VSTM2B: variants seen among roughly 807,000 people sequenced by gnomAD.
VSTM2B encodes the protein V-set and transmembrane domain-containing protein 2B.
In VSTM2B, 24 loss-of-function variants were observed where a neutral mutation model predicts 24.0. The observed-to-expected ratio is 1.00, with a 90% CI of 0.72 to 1.40. VSTM2B has a LOEUF of 1.40. VSTM2B is among the 40% of genes most tolerant of loss of function. The pLI, the probability that VSTM2B is intolerant of heterozygous loss-of-function variation, is 0.00. For synonymous variants in VSTM2B, 226 were observed against 194.4 expected (o/e 1.16, Z -1.35); for missense variants, 399 against 416.4 (o/e 0.96, Z 0.36).
At chr19:29,533,536 G>A (rs1240190441) in intron 4 of VSTM2B, among the ~76,000 whole-genome samples, 1 of 152,246 alleles carries the variant, frequency 6.6e-6, no homozygotes, top group Non-Finnish European at 1.5e-5. Flanking sequence ...CTCTCCAGGT[G>A]AAGCTCTCTT....
At chr19:29,548,752 C>G (rs1334467791) in intron 4 of VSTM2B, among the ~76,000 whole-genome samples, 2 of 152,120 alleles carry the variant, frequency 1.3e-5, no homozygotes, top group Non-Finnish European at 2.9e-5. Flanking sequence ...GGAGAGCCAG[C>G]CCCCTACATG....
intron 4 of VSTM2B, among the ~76,000 whole-genome samples, chr19:29,545,031 A>C (rs1970117755): frequency 6.6e-6 from 1 of 152,200 alleles, no homozygotes; most frequent in African/African-American, 2.4e-5. Context: ...GGCCATCCAC[A>C]TACAGCCCCG....
At chr19:29,560,748 G>A (rs772076047) in intron 4 of VSTM2B, among the ~76,000 whole-genome samples, 1 of 152,194 alleles carries the variant, frequency 6.6e-6, no homozygotes, top group Admixed American at 6.5e-5. Flanking sequence ...AACATGAGTA[G>A]GTGAGGCTGT....
At chr19:29,530,324 G>A in intron 4 of VSTM2B, 34 bp downstream of exon 4, 1 of 1,471,706 alleles carries the variant, frequency 6.8e-7, no homozygotes, top group Non-Finnish European at 8.9e-7. Context: ...GCACGCGCGG[G>A]GATGGCGCAG....
At chr19:29,561,565 C>T (rs1970526944) in intron 4 of VSTM2B, among the ~76,000 whole-genome samples, 1 of 152,164 alleles carries the variant, frequency 6.6e-6, no homozygotes, top group South Asian at 2.1e-4. Context: ...ATGGAGTTTG[C>T]AGTGAGCTGA....
intron 2 of VSTM2B, 149 bp downstream of exon 2, chr19:29,527,544 C>A (rs1969615150): frequency 3.0e-6 from 2 of 670,906 alleles, no homozygotes; most frequent in South Asian, 4.8e-5. Flanking sequence ...CCCAAAGCAT[C>A]TTCAAAGTCA....
At chr19:29,558,210 A>G (rs1390932543) in intron 4 of VSTM2B, among the ~76,000 whole-genome samples, 15 of 152,312 alleles carry the variant, frequency 9.8e-5, no homozygotes, top group Non-Finnish European at 1.5e-5. Context: ...TCAAGAAACA[A>G]TAGATGCTGG....
chr19:29,531,824 T>A (rs1969765912), intron 4 of VSTM2B, among the ~76,000 whole-genome samples: 1 of 152,200 alleles, frequency 6.6e-6, no homozygotes, highest in Non-Finnish European at 1.5e-5. Context: ...AAATTTAATA[T>A]TCCTCGTTCA....
At position 29,563,966 on chromosome 19, in the gene VSTM2B, C is replaced by T. The variant is rs113111915; in HGVS notation, c.*32C>T. Reference sequence around the variant, plus strand: ...AGACCAACCCGAGCATCTCAGAGGCCGCACATGACCTGCCCGGGGCCCTCG... The same window carrying T: ...AGACCAACCCGAGCATCTCAGAGGCTGCACATGACCTGCCCGGGGCCCTCG... On this transcript the variant is annotated 3_prime_UTR_variant, in exon 5 of 5. Transcript: ENST00000335523. 2.0e-3 allele frequency: 3,144 copies of T among 1,536,500 alleles called. 58 individuals are homozygous for T. The African/African-American group carries it at 0.038, about 19-fold the overall frequency.
At position 29,559,769 on chromosome 19, in the gene VSTM2B, T is replaced by A. The variant is rs546916483; in HGVS notation, c.770-4077T>A. Among the ~76,000 whole-genome samples the A allele has an allele frequency of 2.6e-5, 4 of 152,162 alleles. No individual in the cohort carries two copies. In the South Asian group the frequency reaches 8.3e-4, roughly 32 times the overall value. ...CTATGTCACCCTTTTCTGTAACATC[T>A]ATTTGCATGGCACTTGACTCTGTTT... On this transcript the variant is annotated intron_variant, in intron 4 of 4. Transcript: ENST00000335523.
chr19:29,551,917 G>T (rs1454448892), intron 4 of VSTM2B, among the ~76,000 whole-genome samples: 1 of 152,182 alleles, frequency 6.6e-6, no homozygotes, highest in Non-Finnish European at 1.5e-5. Flanking sequence ...CTACAGGGAT[G>T]GGAATGAGAT....
chr19:29,560,482 C>T (rs566530304), intron 4 of VSTM2B, among the ~76,000 whole-genome samples: 7 of 152,250 alleles, frequency 4.6e-5, no homozygotes, highest in Non-Finnish European at 7.4e-5. Flanking sequence ...CTCTTGGTTC[C>T]CTCCCACCCC....
At chr19:29,527,534 C>A in intron 2 of VSTM2B, 139 bp downstream of exon 2, 1 of 709,232 alleles carries the variant, frequency 1.4e-6, no homozygotes, top group Non-Finnish European at 2.1e-6. Flanking sequence ...ACCTTCGCAT[C>A]CCAAAGCATC....
rs1970594908 is a variant in VSTM2B at position 29,564,044 on chromosome 19, A to C, written c.*110A>C. 2 of 803,040 alleles carry C rather than the reference A, an allele frequency of 2.5e-6. No homozygotes were observed. Among genetic ancestry groups the C allele is most frequent in the African/African-American group, 1.7e-5 (1 of 57,450 alleles). 49.7% of individuals were successfully genotyped at this position (803,040 alleles called of 1,614,324 possible). A position where few individuals can be genotyped will look rare whatever the true frequency, so the allele number is the denominator to read the frequency against. The stretch of plus-strand genomic sequence containing the variant: ...AGAGAGACTGAGAGACGCATGAAAA[A>C]GTCCACATGGAAAATAAATAAATCA... On this transcript the variant is annotated 3_prime_UTR_variant, in exon 5 of 5. Coordinates refer to ENST00000335523, the MANE Select transcript of VSTM2B (RefSeq NM_001146339.2).
chr19:29,552,196 G>T (rs1269038885), intron 4 of VSTM2B, among the ~76,000 whole-genome samples: 2 of 152,154 alleles, frequency 1.3e-5, no homozygotes, highest in African/African-American at 2.4e-5. Flanking sequence ...ACTTACTCAG[G>T]GTCAGCCTGG....
At chr19:29,546,558 C>A (rs1405843864) in intron 4 of VSTM2B, among the ~76,000 whole-genome samples, 1 of 152,222 alleles carries the variant, frequency 6.6e-6, no homozygotes, top group East Asian at 1.9e-4. Flanking sequence ...GAATTGTGTG[C>A]CTTTTTACAG....
intron 4 of VSTM2B, among the ~76,000 whole-genome samples, chr19:29,562,328 G>C (rs995213950): frequency 6.6e-6 from 1 of 152,218 alleles, no homozygotes; most frequent in East Asian, 1.9e-4. Flanking sequence ...CTGCTACCTG[G>C]AGAGAGGAGA....
chr19:29,531,905 G>A (rs974017627), intron 4 of VSTM2B, among the ~76,000 whole-genome samples: 2 of 152,248 alleles, frequency 1.3e-5, no homozygotes, highest in Non-Finnish European at 2.9e-5. Flanking sequence ...CAGGGACCCA[G>A]GCTGAGAGTA....
chr19:29,545,972 C>G (rs1026343103), intron 4 of VSTM2B, among the ~76,000 whole-genome samples: 1 of 152,074 alleles, frequency 6.6e-6, no homozygotes, highest in African/African-American at 2.4e-5. Context: ...GCAGGGAGGC[C>G]AGTCAGGAGC....
Sources: allele counts gnomAD v4.1 joint callset (sites outside exome capture counted in the v4.1 genomes callset), GRCh38; gene constraint gnomAD v4.1.1; transcripts MANE v1.5; gene names NCBI Gene and HGNC (gene_info 2026-07-23, HGNC 2026-07-21).